The following CSMD1 variants were observed in gnomAD, a reference collection of about 807,000 sequenced individuals.
The protein encoded by CSMD1 is CUB and sushi domain-containing protein 1.
A neutral mutation model predicts 417.5 loss-of-function variants in CSMD1; 213 were observed. The ratio of observed to expected loss-of-function variants is 0.51; its 90% CI spans 0.46 to 0.57. The LOEUF is 0.57. Among genes scored for constraint, CSMD1 ranks in the 20% least tolerant of loss-of-function variants. The pLI, the probability that CSMD1 is intolerant of heterozygous loss-of-function variation, is 0.00. For synonymous variants in CSMD1, 2,862 were observed against 1,736.8 expected (o/e 1.65, Z -16.11); for missense variants, 6,923 against 4,529.7 (o/e 1.53, Z -15.17).
At chr8:3,505,083 G>C (rs1420808651) in intron 10 of CSMD1, among the ~76,000 whole-genome samples, 2 of 152,056 alleles carry the variant, frequency 1.3e-5, no homozygotes, top group African/African-American at 4.8e-5. Flanking sequence ...GAGAATTTCT[G>C]TAACCCCTGA....
At chr8:4,391,303 C>A (rs1383576011) in intron 3 of CSMD1, among the ~76,000 whole-genome samples, 5 of 152,216 alleles carry the variant, frequency 3.3e-5, no homozygotes. Flanking sequence ...CCTTTCTTCT[C>A]TTAAGACATG....
chr8:3,907,194 C>T (rs553948048), intron 5 of CSMD1, among the ~76,000 whole-genome samples: 16 of 152,252 alleles, frequency 1.1e-4, no homozygotes, highest in Middle Eastern at 3.4e-3. Flanking sequence ...CCTGAATCAG[C>T]GATCTGATCT....
chr8:4,902,340 G>C (rs879559126), intron 1 of CSMD1, among the ~76,000 whole-genome samples: 9 of 151,622 alleles, frequency 5.9e-5, no homozygotes, highest in African/African-American at 1.9e-4. Flanking sequence ...AGGAGACTGA[G>C]GCAGAAGGAT....
At position 4,357,876 on chromosome 8, in the gene CSMD1, A is replaced by G. The variant is rs190204879; in HGVS notation, c.415+62077T>C. On this transcript the variant is annotated intron_variant, in intron 3 of 69. Transcript: ENST00000635120. ...TTAAAATTTATCATATTTTAATGCT[A>G]AAATCATAGACGTATAATTGTAGTA... Among the ~76,000 whole-genome samples, 315 of 152,300 alleles carry G rather than the reference A, an allele frequency of 2.1e-3. 2 individuals are homozygous for G. The highest frequency in any genetic ancestry group is 7.1e-3 in the African/African-American group (297 of 41,568).
intron 25 of CSMD1, among the ~76,000 whole-genome samples, chr8:3,294,899 C>A (rs928908722): frequency 1.3e-5 from 2 of 152,130 alleles, no homozygotes; most frequent in East Asian, 1.9e-4. Flanking sequence ...GAGAAATCGC[C>A]CGTCTTCTGC....
Position 4,343,963 on chromosome 8 carries a change from T to C in CSMD1, c.415+75990A>G, listed in dbSNP as rs184118946. Among the ~76,000 whole-genome samples, 20 of 152,250 alleles carry C rather than the reference T, an allele frequency of 1.3e-4. No individual in the cohort carries two copies. In the East Asian group the frequency reaches 3.1e-3, roughly 24 times the overall value. On this transcript the variant is annotated intron_variant, in intron 3 of 69. Coordinates refer to ENST00000635120, the MANE Select transcript of CSMD1 (RefSeq NM_033225.6). The stretch of plus-strand genomic sequence containing the variant: ...AAATTATAATAAGTATTTTCATATA[T>C]ACAATAAATTCTAGTAAAGCCATTG...
At chr8:3,813,725 G>A (rs1336786923) in intron 5 of CSMD1, among the ~76,000 whole-genome samples, 1 of 152,054 alleles carries the variant, frequency 6.6e-6, no homozygotes. Context: ...ATACCAAATG[G>A]TCCATGGTCC....
intron 1 of CSMD1, among the ~76,000 whole-genome samples, chr8:4,690,370 A>T (rs888603785): frequency 4.3e-4 from 66 of 152,338 alleles, no homozygotes; most frequent in Non-Finnish European, 6.8e-4. Flanking sequence ...GTTTTGAATG[A>T]GTAAATGGGG....
intron 4 of CSMD1, among the ~76,000 whole-genome samples, chr8:4,026,351 A>G (rs1322974141): frequency 6.6e-6 from 1 of 152,228 alleles, no homozygotes; most frequent in Non-Finnish European, 1.5e-5. Context: ...ATACAGAAGA[A>G]CAAAGTTTCC....
chr8:4,711,441 T>G (rs1305872541), intron 1 of CSMD1, among the ~76,000 whole-genome samples: 1 of 152,162 alleles, frequency 6.6e-6, no homozygotes, highest in Non-Finnish European at 1.5e-5. Flanking sequence ...AGCTGCATTT[T>G]CAAACAAAGG....
chr8:3,728,311 A>G (rs545096009), intron 6 of CSMD1, among the ~76,000 whole-genome samples: 35 of 152,172 alleles, frequency 2.3e-4, no homozygotes, highest in African/African-American at 8.4e-4. Context: ...ATCTTCCACC[A>G]TGACTGTGAG....
intron 11 of CSMD1, among the ~76,000 whole-genome samples, chr8:3,481,908 C>G (rs1444596172): frequency 6.6e-6 from 1 of 152,154 alleles, no homozygotes; most frequent in African/African-American, 2.4e-5. Flanking sequence ...CAAATTTCTG[C>G]TGTTTTGAGC....
intron 2 of CSMD1, among the ~76,000 whole-genome samples, chr8:4,494,926 C>T (rs953595805): frequency 4.0e-5 from 6 of 151,742 alleles, no homozygotes; most frequent in South Asian, 2.1e-4. Context: ...AGAAAAAATA[C>T]GCAGTGATAT....
intron 3 of CSMD1, among the ~76,000 whole-genome samples, chr8:4,241,109 CTG>C (rs1802372825): frequency 6.6e-6 from 1 of 152,108 alleles, no homozygotes; most frequent in South Asian, 2.1e-4. Flanking sequence ...TCCTCTAAAC[CTG>C]TGTTTCAATG....
chr8:4,800,747 T>C (rs1347859605), intron 1 of CSMD1, among the ~76,000 whole-genome samples: 1 of 152,150 alleles, frequency 6.6e-6, no homozygotes. Flanking sequence ...TCTGGCCACT[T>C]TGGTGGGATG....
At chr8:3,523,779 A>T (rs1370954157) in intron 10 of CSMD1, among the ~76,000 whole-genome samples, 1 of 151,806 alleles carries the variant, frequency 6.6e-6, no homozygotes, top group Non-Finnish European at 1.5e-5. Context: ...ACACATGCAC[A>T]CCCAGAGACA....
chr8:3,326,875 T>C (rs2584220), intron 23 of CSMD1, among the ~76,000 whole-genome samples: 46,136 of 152,070 alleles, frequency 0.3, 7,164 homozygotes, highest in Middle Eastern at 0.39. Flanking sequence ...TAAAAATGTA[T>C]GGCTATGTCT....
At chr8:3,870,070 G>C (rs1050578162) in intron 5 of CSMD1, among the ~76,000 whole-genome samples, 1 of 151,836 alleles carries the variant, frequency 6.6e-6, no homozygotes, top group African/African-American at 2.4e-5. Flanking sequence ...ATACCCTCTG[G>C]GTATAATGAT....
At chr8:4,342,812 C>G (rs1190825381) in intron 3 of CSMD1, among the ~76,000 whole-genome samples, 1 of 151,578 alleles carries the variant, frequency 6.6e-6, no homozygotes, top group Non-Finnish European at 1.5e-5. Context: ...TCGTTCCTGC[C>G]ACAACATCGC....
Sources: allele counts gnomAD v4.1 joint callset (sites outside exome capture counted in the v4.1 genomes callset), GRCh38; gene constraint gnomAD v4.1.1; transcripts MANE v1.5; gene names NCBI Gene and HGNC (gene_info 2026-07-23, HGNC 2026-07-21).